Variants in TMEFF2 observed in about 807,000 individuals in gnomAD.
The protein encoded by TMEFF2 is tomoregulin-2.
Under a neutral mutation model 53.8 loss-of-function variants are expected in TMEFF2, and 28 were observed. The ratio of observed to expected loss-of-function variants is 0.52; its 90% CI spans 0.39 to 0.71. The LOEUF (loss-of-function observed/expected upper bound fraction) is 0.71, where lower values mean the gene tolerates loss of function less well. Ranked by LOEUF, TMEFF2 falls within the 30% of genes least tolerant of loss-of-function variation. TMEFF2 has a pLI of 0.00. For synonymous variants in TMEFF2, 162 were observed against 166.3 expected, an observed-to-expected ratio of 0.97 and a Z score of 0.20; for missense variants, 353 against 455.2, an observed-to-expected ratio of 0.78 and a Z score of 2.04.
intron 7 of TMEFF2, among the ~76,000 whole-genome samples, chr2:191,994,445 T>C (rs961645047): frequency 1.4e-4 from 21 of 151,558 alleles, no homozygotes; most frequent in Admixed American, 4.0e-4. Context: ...TTTTTTTTTT[T>C]GAAGCATGAC....
chr2:192,058,853 C>CATT (rs1201389380), intron 4 of TMEFF2, among the ~76,000 whole-genome samples: 1 of 152,110 alleles, frequency 6.6e-6, no homozygotes, highest in Non-Finnish European at 1.5e-5. Flanking sequence ...TTAATCCCAG[C>CATT]ATTAGTTCCT....
chr2:191,994,538 T>G (rs1446837080), intron 7 of TMEFF2, among the ~76,000 whole-genome samples: 2 of 151,546 alleles, frequency 1.3e-5, no homozygotes, highest in African/African-American at 2.4e-5. Flanking sequence ...TTGAACTTCA[T>G]TTTTCTTTTC....
At chr2:192,019,763 G>A (rs150187723) in intron 5 of TMEFF2, among the ~76,000 whole-genome samples, 1,818 of 151,966 alleles carry the variant, frequency 0.012, 21 homozygotes, top group Non-Finnish European at 0.018. Context: ...TGATTCAATA[G>A]GACAGGCGCG....
intron 4 of TMEFF2, among the ~76,000 whole-genome samples, chr2:192,105,226 T>C (rs949027122): frequency 6.6e-6 from 1 of 152,006 alleles, no homozygotes; most frequent in South Asian, 2.1e-4. Context: ...ATTATATACA[T>C]ATTTTATGAA....
chr2:192,084,651 T>C (rs1158648925), intron 4 of TMEFF2, among the ~76,000 whole-genome samples: 1 of 152,230 alleles, frequency 6.6e-6, no homozygotes, highest in Non-Finnish European at 1.5e-5. Context: ...TATTGTTTTA[T>C]ACTGGGAGCT....
intron 5 of TMEFF2, among the ~76,000 whole-genome samples, chr2:192,045,532 T>G (rs554466381): frequency 6.6e-6 from 1 of 152,318 alleles, no homozygotes; most frequent in South Asian, 2.1e-4. Context: ...GTGGATAGAA[T>G]AGCCCATTCT....
chr2:192,027,705 C>T (rs1211195774), intron 5 of TMEFF2, among the ~76,000 whole-genome samples: 3 of 152,184 alleles, frequency 2.0e-5, no homozygotes, highest in Non-Finnish European at 2.9e-5. Context: ...CACACAGAGT[C>T]CTGAACTTGG....
chr2:192,158,610 TG>T (rs980091604), intron 4 of TMEFF2, among the ~76,000 whole-genome samples: 1 of 152,142 alleles, frequency 6.6e-6, no homozygotes, highest in Non-Finnish European at 1.5e-5. Flanking sequence ...CCTATGTTTT[TG>T]TCTCCACTCT....
intron 4 of TMEFF2, among the ~76,000 whole-genome samples, chr2:192,109,864 C>A (rs1161288940): frequency 6.6e-6 from 1 of 152,012 alleles, no homozygotes; most frequent in African/African-American, 2.4e-5. Context: ...ATTGTGTAAG[C>A]AATTACACTT....
rs182780463 is a variant in TMEFF2, at chr2:191,969,474, T to C, written c.746-13096A>G. Among the ~76,000 whole-genome samples, 135 of 152,218 alleles carry C rather than the reference T, an allele frequency of 8.9e-4. No individual in the cohort carries two copies. In the East Asian group the frequency reaches 0.025, roughly 29 times the overall value. On this transcript the variant is annotated intron_variant, in intron 7 of 9. Coordinates refer to ENST00000272771, the MANE Select transcript of TMEFF2 (RefSeq NM_016192.4). ...AGTACAAAAAGACTAGGTGCATAGG[T>C]AAGAGCCATATTTCCTATGTATTTC...
At chr2:192,183,702 A>C (rs755783523) in intron 3 of TMEFF2, among the ~76,000 whole-genome samples, 17 of 152,056 alleles carry the variant, frequency 1.1e-4, no homozygotes, top group Non-Finnish European at 2.4e-4. Flanking sequence ...CTGTAGACAC[A>C]AGGAAAATTT....
chr2:191,957,983 T>A (rs764055611), intron 7 of TMEFF2, among the ~76,000 whole-genome samples: 9 of 152,232 alleles, frequency 5.9e-5, no homozygotes, highest in Non-Finnish European at 1.0e-4. Flanking sequence ...TGGTATAATG[T>A]TTTTGGTAGC....
intron 7 of TMEFF2, among the ~76,000 whole-genome samples, chr2:191,962,441 TTGA>T (rs1357137441): frequency 1.3e-5 from 2 of 152,238 alleles, no homozygotes; most frequent in African/African-American, 4.8e-5. Flanking sequence ...AGGCAAGGCC[TTGA>T]TGACATGATT....
In TMEFF2 at chr2:191,950,195, G is replaced by A. The variant is rs1691827856; in HGVS notation, c.*116C>T. ...TGTAGTACATGTTTTCATTGGTGTAGATTACCACAAATGCAAGGCAACATG... is the reference window on the plus strand; with the variant it reads ...TGTAGTACATGTTTTCATTGGTGTAAATTACCACAAATGCAAGGCAACATG... On this transcript the variant is annotated 3_prime_UTR_variant, in exon 10 of 10. Coordinates refer to ENST00000272771, the MANE Select transcript of TMEFF2 (RefSeq NM_016192.4). The A allele has an allele frequency of 6.5e-7, 1 of 1,526,846 alleles. No homozygotes were observed. The highest frequency in any genetic ancestry group is 2.1e-5 in the Admixed American group (1 of 47,690). 94.6% of individuals were successfully genotyped at this position (1,526,846 alleles called of 1,614,324 possible). A position where few individuals can be genotyped will look rare whatever the true frequency, so the allele number is the denominator to read the frequency against.
At chr2:192,027,810 G>A (rs1687009121) in intron 5 of TMEFF2, 1 of 152,212 alleles carries the variant, frequency 6.6e-6, no homozygotes, top group Non-Finnish European at 1.5e-5. Flanking sequence ...CAGAGCATGA[G>A]CTCCATGAGC....
chr2:191,972,163 T>C (rs1205705754), intron 7 of TMEFF2, among the ~76,000 whole-genome samples: 1 of 128,450 alleles, frequency 7.8e-6, no homozygotes, highest in East Asian at 2.3e-4. Flanking sequence ...TTTTTTTTTT[T>C]AGACCGAGTC....
chr2:192,091,872 C>A (rs183165450), intron 4 of TMEFF2, among the ~76,000 whole-genome samples: 1 of 152,108 alleles, frequency 6.6e-6, no homozygotes, highest in Admixed American at 6.6e-5. Flanking sequence ...GGCAGTGACA[C>A]CTAGGTGCTG....
chr2:191,949,850 A>T lies in TMEFF2; in HGVS notation c.*461T>A, dbSNP rs900930363. 4.8e-5 allele frequency: 47 copies of T among 985,928 alleles called. No homozygotes were observed. Among genetic ancestry groups the T allele is most frequent in the Non-Finnish European group, 5.4e-5 (45 of 830,132 alleles). The allele number at this position is 985,928 out of a possible 1,614,324, so 61.1% of individuals were successfully genotyped here. On this transcript the variant is annotated 3_prime_UTR_variant, in exon 10 of 10. Transcript: ENST00000272771. Reference sequence around the variant, plus strand: ...TTATTTTTTCTCTTTTCCAATAACCATCATTTCCCTTGATCTTGGAATCAT... The same window carrying T: ...TTATTTTTTCTCTTTTCCAATAACCTTCATTTCCCTTGATCTTGGAATCAT...
chr2:192,072,609 T>C (rs968512456), intron 4 of TMEFF2, among the ~76,000 whole-genome samples: 2 of 151,934 alleles, frequency 1.3e-5, no homozygotes, highest in East Asian at 1.9e-4. Flanking sequence ...CTGAAAAATA[T>C]GTGGTGTGAT....
Sources: allele counts gnomAD v4.1 joint callset (sites outside exome capture counted in the v4.1 genomes callset), GRCh38; gene constraint gnomAD v4.1.1; transcripts MANE v1.5; gene names NCBI Gene and HGNC (gene_info 2026-07-23, HGNC 2026-07-21).